ROBO2: variants seen among roughly 807,000 people sequenced by gnomAD.
The protein encoded by ROBO2 is roundabout guidance receptor 2, also known as roundabout homolog 2.
A neutral mutation model predicts 160.8 loss-of-function variants in ROBO2; 53 were observed. That is an observed-to-expected ratio of 0.33 (90% CI 0.26 to 0.41). ROBO2 has a LOEUF of 0.41. Among genes scored for constraint, ROBO2 ranks in the 10% least tolerant of loss-of-function variants. The pLI is 1.00. For missense variants in ROBO2, 1,577 were observed against 1,722.4 expected (o/e 0.92, Z 1.49); for synonymous variants, 664 against 611.7 (o/e 1.09, Z -1.26).
intron 2 of ROBO2, among the ~76,000 whole-genome samples, chr3:77,303,051 C>T (rs955251200): frequency 6.6e-6 from 1 of 152,128 alleles, no homozygotes; most frequent in Admixed American, 6.6e-5. Context: ...TATAATCAAT[C>T]CTTCCATAGA....
At chr3:76,073,394 G>T (rs1167170830) in intron 2 of ROBO2, among the ~76,000 whole-genome samples, 1 of 140,678 alleles carries the variant, frequency 7.1e-6, no homozygotes, top group Non-Finnish European at 1.5e-5. Context: ...CTGGGTTCCC[G>T]CCATTCTCCT....
At chr3:76,035,767 G>A (rs985955048) in intron 2 of ROBO2, among the ~76,000 whole-genome samples, 3 of 151,848 alleles carry the variant, frequency 2.0e-5, no homozygotes, top group East Asian at 1.9e-4. Context: ...ACTCATTATC[G>A]ATTGAAAACA....
At chr3:76,206,704 C>G (rs1702829655) in intron 2 of ROBO2, among the ~76,000 whole-genome samples, 1 of 152,168 alleles carries the variant, frequency 6.6e-6, no homozygotes, top group African/African-American at 2.4e-5. Context: ...TGGGCATTCA[C>G]TATCTGTTTC....
At chr3:75,977,182 A>G (rs949865935) in intron 2 of ROBO2, among the ~76,000 whole-genome samples, 10 of 151,562 alleles carry the variant, frequency 6.6e-5, no homozygotes, top group African/African-American at 2.4e-4. Flanking sequence ...GGGAATTCTC[A>G]CCTGGCCTTA....
exon 1 of ROBO2, chr3:77,039,952 G>A (rs1016808157): frequency 2.2e-5 from 6 of 270,904 alleles, no homozygotes; most frequent in Non-Finnish European, 3.4e-5. Flanking sequence ...CCCGGGCTGG[G>A]CTCTCACGCC....
intron 2 of ROBO2, among the ~76,000 whole-genome samples, chr3:76,805,956 A>AT (rs2064672040): frequency 1.3e-5 from 2 of 151,894 alleles, no homozygotes; most frequent in Admixed American, 6.6e-5. Context: ...TTGTACTAAG[A>AT]TTACATCTAG....
At chr3:76,612,268 C>T (rs1380102486) in intron 2 of ROBO2, among the ~76,000 whole-genome samples, 3 of 152,154 alleles carry the variant, frequency 2.0e-5, no homozygotes, top group Non-Finnish European at 4.4e-5. Context: ...TCCATTGGGT[C>T]CATTGGGTCT....
chr3:77,622,442 C>A lies in ROBO2; in HGVS notation c.3760+10C>A, dbSNP rs1414215471. The A allele has an allele frequency of 6.2e-6, 10 of 1,613,282 alleles. No homozygotes were observed. Among genetic ancestry groups the A allele is most frequent in the Non-Finnish European group, 7.6e-6 (9 of 1,179,548 alleles). ...GACAGCTCTGTGACAGGTAACGGAA[C>A]CAATTTAATAGGAAAAACTGACCTA... On this transcript the variant is annotated intron_variant, in intron 23 of 25. Coordinates refer to ENST00000461745, the Ensembl canonical transcript of ROBO2.
intron 2 of ROBO2, among the ~76,000 whole-genome samples, chr3:76,886,183 A>G (rs896522228): frequency 6.6e-6 from 1 of 151,966 alleles, no homozygotes; most frequent in Non-Finnish European, 1.5e-5. Context: ...AGCACTTCCT[A>G]ATAAAGAATT....
intron 18 of ROBO2, 73 bp downstream of exon 19, chr3:77,595,257 T>A: frequency 8.8e-7 from 1 of 1,134,868 alleles, no homozygotes; most frequent in Non-Finnish European, 1.3e-6. Context: ...AGTAAGAGCC[T>A]ATTATTGTAA....
At chr3:77,105,343 G>GT (rs1560019650) in intron 2 of ROBO2, among the ~76,000 whole-genome samples, 1 of 152,102 alleles carries the variant, frequency 6.6e-6, no homozygotes, top group Non-Finnish European at 1.5e-5. Context: ...AGCAACTTTC[G>GT]TTTTTTGTAA....
At chr3:77,558,128 A>G (rs1275087531) in exon 9 of ROBO2, 5 of 1,613,026 alleles carry the variant, frequency 3.1e-6, no homozygotes, top group Non-Finnish European at 4.2e-6. Flanking sequence ...AGCAAGGCAC[A>G]CTGCAGATTA....
intron 2 of ROBO2, among the ~76,000 whole-genome samples, chr3:76,516,475 C>T (rs2081352589): frequency 6.6e-6 from 1 of 152,096 alleles, no homozygotes; most frequent in South Asian, 2.1e-4. Context: ...CCGTTTATTA[C>T]TAAAGAGGCA....
At chr3:77,645,466 A>G (rs2153725276) in intron 25 of ROBO2, among the ~76,000 whole-genome samples, 1 of 152,294 alleles carries the variant, frequency 6.6e-6, no homozygotes, top group African/African-American at 2.4e-5. Flanking sequence ...GTAAAATACT[A>G]GGTAATAGGG....
At chr3:77,555,687 T>A (rs1277670752) in intron 8 of ROBO2, among the ~76,000 whole-genome samples, 3 of 151,940 alleles carry the variant, frequency 2.0e-5, no homozygotes, top group Non-Finnish European at 4.4e-5. Context: ...TATTTATATC[T>A]TGTACTGACA....
chr3:76,677,933 T>C (rs1341632500), intron 2 of ROBO2, among the ~76,000 whole-genome samples: 1 of 145,170 alleles, frequency 6.9e-6, no homozygotes, highest in African/African-American at 2.5e-5. Context: ...AGGATCTATT[T>C]TCTCTCACAG....
chr3:77,242,827 A>G (rs1354233547), intron 2 of ROBO2, among the ~76,000 whole-genome samples: 1 of 151,192 alleles, frequency 6.6e-6, no homozygotes, highest in Non-Finnish European at 1.5e-5. Context: ...TTCAAGTTGT[A>G]CATTGTCTTT....
chr3:76,767,668 T>TATA (rs1462285885), intron 2 of ROBO2, among the ~76,000 whole-genome samples: 1 of 151,512 alleles, frequency 6.6e-6, no homozygotes, highest in African/African-American at 2.4e-5. Flanking sequence ...CTTTGTAGAG[T>TATA]GTAATGCTGT....
chr3:76,905,538 C>T (rs2075544158), intron 2 of ROBO2, among the ~76,000 whole-genome samples: 1 of 152,040 alleles, frequency 6.6e-6, no homozygotes. Context: ...AGAGTCAATA[C>T]CAAGCTAGAT....
Sources: allele counts gnomAD v4.1 joint callset (sites outside exome capture counted in the v4.1 genomes callset), GRCh38; gene constraint gnomAD v4.1.1; transcripts MANE v1.5; gene names NCBI Gene and HGNC (gene_info 2026-07-23, HGNC 2026-07-21).